Variants in PTPRT observed in about 807,000 individuals in gnomAD.
The protein encoded by PTPRT is protein tyrosine phosphatase receptor type T, also known as receptor-type tyrosine-protein phosphatase T.
PTPRT carries 56 observed loss-of-function variants against 176.8 expected under a neutral mutation model. The observed-to-expected ratio is 0.32, with a 90% CI of 0.26 to 0.40. The LOEUF is 0.40. PTPRT is among the 10% of genes least tolerant of loss of function. The probability of loss-of-function intolerance (pLI) is 1.00; values close to 1 mark genes in which losing one functional copy is unlikely to be tolerated. For missense variants in PTPRT, 1,540 were observed against 1,908.2 expected (o/e 0.81, Z 3.60); for synonymous variants, 783 against 739.0 (o/e 1.06, Z -0.96).
intron 9 of PTPRT, among the ~76,000 whole-genome samples, chr20:42,365,912 C>T (rs2058507651): frequency 6.6e-6 from 1 of 152,184 alleles, no homozygotes; most frequent in African/African-American, 2.4e-5. Flanking sequence ...GGCACCAATG[C>T]TAATATTGGA....
At chr20:42,134,888 C>T (rs1445284743) in intron 18 of PTPRT, among the ~76,000 whole-genome samples, 2 of 152,228 alleles carry the variant, frequency 1.3e-5, no homozygotes, top group African/African-American at 4.8e-5. Flanking sequence ...GGACCTACTT[C>T]TCTCTCCAGC....
At chr20:42,947,815 G>A (rs1002999073) in intron 1 of PTPRT, among the ~76,000 whole-genome samples, 2 of 151,800 alleles carry the variant, frequency 1.3e-5, no homozygotes, top group Non-Finnish European at 2.9e-5. Context: ...TCTTGCCAAG[G>A]TCACTGACGA....
chr20:42,171,144 C>CAT (rs1395014229), intron 16 of PTPRT, among the ~76,000 whole-genome samples: 1 of 152,102 alleles, frequency 6.6e-6, no homozygotes, highest in African/African-American at 2.4e-5. Flanking sequence ...TTCCCTGACA[C>CAT]ATAAAGAATA....
intron 16 of PTPRT, among the ~76,000 whole-genome samples, chr20:42,169,777 CACACACACACACACAA>C (rs1247775551): frequency 3.0e-4 from 43 of 145,382 alleles, no homozygotes; most frequent in African/African-American, 6.5e-4. Flanking sequence ...CACACACACA[CACACACACACACACAA>C]CAGTCAGTAT....
intron 2 of PTPRT, among the ~76,000 whole-genome samples, chr20:42,871,159 C>A (rs915710634): frequency 1.3e-5 from 2 of 151,810 alleles, no homozygotes; most frequent in African/African-American, 4.8e-5. Context: ...ACCATGTTGG[C>A]CAGGTTGGTC....
At chr20:42,948,773 T>C (rs1463803019) in intron 1 of PTPRT, among the ~76,000 whole-genome samples, 4 of 152,208 alleles carry the variant, frequency 2.6e-5, no homozygotes, top group Non-Finnish European at 5.9e-5. Flanking sequence ...GCTTATGCCA[T>C]TTTGGGTTGG....
At chr20:42,586,721 C>T (rs1195854991) in intron 7 of PTPRT, among the ~76,000 whole-genome samples, 1 of 152,152 alleles carries the variant, frequency 6.6e-6, no homozygotes, top group Non-Finnish European at 1.5e-5. Flanking sequence ...CATCCTGTTC[C>T]CACCTTGCTT....
chr20:42,929,367 A>G (rs1016795256), intron 1 of PTPRT, among the ~76,000 whole-genome samples: 5 of 152,274 alleles, frequency 3.3e-5, no homozygotes, highest in Non-Finnish European at 5.9e-5. Flanking sequence ...GTAATAAAGA[A>G]GGACATTAAA....
chr20:42,163,089 G>T (rs368077360), intron 16 of PTPRT, among the ~76,000 whole-genome samples: 2 of 152,176 alleles, frequency 1.3e-5, no homozygotes, highest in African/African-American at 4.8e-5. Context: ...TGGAGTAGGG[G>T]ATAAATTTTT....
At chr20:42,734,052 A>G (rs1202504145) in intron 6 of PTPRT, among the ~76,000 whole-genome samples, 1 of 152,190 alleles carries the variant, frequency 6.6e-6, no homozygotes, top group Non-Finnish European at 1.5e-5. Flanking sequence ...GCTGTGTCTG[A>G]GATGCTTTTC....
At chr20:42,789,957 C>G in intron 3 of PTPRT, among the ~76,000 whole-genome samples, 1 of 152,196 alleles carries the variant, frequency 6.6e-6, no homozygotes, top group Admixed American at 6.5e-5. Flanking sequence ...AAGCCCCCAG[C>G]CACCGGTTCA....
chr20:42,065,477 C>G, the PTPRT span, among the ~76,000 whole-genome samples: 1 of 152,204 alleles, frequency 6.6e-6, no homozygotes, highest in African/African-American at 2.4e-5. Context: ...TGGTTTATTT[C>G]TCATACACAC....
At chr20:42,345,366 TACACACACACACAC>T (rs35901100) in intron 11 of PTPRT, among the ~76,000 whole-genome samples, 3 of 134,086 alleles carry the variant, frequency 2.2e-5, no homozygotes, top group African/African-American at 8.5e-5. Context: ...AAGGCATATA[TACACACACACACAC>T]ACACACACAC....
chr20:42,144,301 C>CT (rs777153574), intron 17 of PTPRT, among the ~76,000 whole-genome samples: 1 of 151,950 alleles, frequency 6.6e-6, no homozygotes, highest in Admixed American at 6.6e-5. Flanking sequence ...ACATAAAGTG[C>CT]TTAGTAGAGT....
chr20:42,166,092 G>A (rs753931800), intron 16 of PTPRT, among the ~76,000 whole-genome samples: 1 of 152,148 alleles, frequency 6.6e-6, no homozygotes, highest in Non-Finnish European at 1.5e-5. Context: ...AATTCAGACT[G>A]GCCATATTTC....
At chr20:42,226,376 G>T (rs1600700764) in intron 15 of PTPRT, among the ~76,000 whole-genome samples, 3 of 152,304 alleles carry the variant, frequency 2.0e-5, no homozygotes, top group East Asian at 3.9e-4. Context: ...GAAGCTCAGG[G>T]CTTTTTCCTG....
intron 8 of PTPRT, among the ~76,000 whole-genome samples, chr20:42,448,628 A>G (rs1257671695): frequency 6.6e-6 from 1 of 152,120 alleles, no homozygotes; most frequent in Non-Finnish European, 1.5e-5. Flanking sequence ...CATTTTCAGA[A>G]GGCTGATCAG....
chr20:42,544,267 C>G (rs771716995), intron 7 of PTPRT, among the ~76,000 whole-genome samples: 21 of 152,232 alleles, frequency 1.4e-4, no homozygotes, highest in Non-Finnish European at 2.9e-4. Context: ...GCTACACATG[C>G]TGAATAACTT....
intron 9 of PTPRT, among the ~76,000 whole-genome samples, chr20:42,361,695 G>A (rs34522186): frequency 0.097 from 14,692 of 152,190 alleles, 762 homozygotes; most frequent in Non-Finnish European, 0.12. Flanking sequence ...GCTAAGTGAG[G>A]AGGCTGCCGT....
Sources: gnomAD v4.1 joint callset for allele counts (sites outside exome capture counted in the v4.1 genomes callset) on GRCh38, gnomAD v4.1.1 for gene constraint, MANE v1.5 for transcripts, NCBI Gene and HGNC (gene_info 2026-07-23, HGNC 2026-07-21) for gene names.